Variants in ABCA10 observed in about 807,000 individuals in gnomAD.
ABCA10 encodes the protein ATP binding cassette subfamily A member 10.
A neutral mutation model predicts 187.5 loss-of-function variants in ABCA10; 169 were observed. The observed-to-expected ratio is 0.90, with a 90% CI of 0.80 to 1.02. ABCA10 has a LOEUF of 1.02. Ranked by LOEUF, ABCA10 falls within the 50% of genes least tolerant of loss-of-function variation. ABCA10 has a pLI of 0.00. For missense variants in ABCA10, 1,727 were observed against 1,812.4 expected (o/e 0.95, Z 0.86); for synonymous variants, 574 against 601.8 (o/e 0.95, Z 0.68).
chr17:69,205,701 A>C (rs925252524), intron 9 of ABCA10, among the ~76,000 whole-genome samples: 3 of 152,192 alleles, frequency 2.0e-5, no homozygotes, highest in Admixed American at 2.0e-4. Flanking sequence ...AAAATTATAG[A>C]TTATACAAAC....
At chr17:69,237,876 C>T (rs747993375) in intron 1 of ABCA10, among the ~76,000 whole-genome samples, 15 of 152,034 alleles carry the variant, frequency 9.9e-5, no homozygotes, top group Non-Finnish European at 2.9e-5. Flanking sequence ...GAATTTCCAG[C>T]AACTGGCCGG....
At chr17:69,150,370 C>G (rs979356003) in intron 36 of ABCA10, 1 of 209,014 alleles carries the variant, frequency 4.8e-6, no homozygotes, top group African/African-American at 2.3e-5. Context: ...AGCAACCTTT[C>G]TAGAATGTTT....
chr17:69,149,981 T>C lies in ABCA10; in HGVS notation c.4477+3A>G, dbSNP rs772748499. 1 of 1,603,806 alleles carries C rather than the reference T, an allele frequency of 6.2e-7. No individual in the cohort carries two copies. The highest frequency in any genetic ancestry group is 8.5e-7 in the Non-Finnish European group (1 of 1,171,500). On this transcript the variant is annotated splice_donor_region_variant and intron_variant, in intron 37 of 38. Coordinates refer to ENST00000690296, the MANE Select transcript of ABCA10 (RefSeq NM_001377321.1). ...AGTCTTATTTATATATACCCAAACT[T>C]ACTCGCCTCTAACTTGAAAAAGGCC...
chr17:69,170,976 A>C (rs1431628532), intron 25 of ABCA10, among the ~76,000 whole-genome samples: 2 of 152,216 alleles, frequency 1.3e-5, no homozygotes, highest in Non-Finnish European at 2.9e-5. Context: ...TAAATCCCAT[A>C]TTGAGGCATG....
At chr17:69,234,787 A>G (rs2074855468) in intron 1 of ABCA10, 1 of 152,230 alleles carries the variant, frequency 6.6e-6, no homozygotes, top group Non-Finnish European at 1.5e-5. Context: ...CAATGAAACA[A>G]TGGCGTTCAC....
upstream of ABCA10, chr17:69,233,471 A>G (rs1053069998): frequency 2.0e-5 from 3 of 151,834 alleles, no homozygotes; most frequent in African/African-American, 7.3e-5. Flanking sequence ...GTTTTTCTGT[A>G]TATTCTTGAA....
intron 5 of ABCA10, among the ~76,000 whole-genome samples, chr17:69,220,855 T>A (rs539955703): frequency 6.6e-6 from 1 of 152,334 alleles, no homozygotes; most frequent in South Asian, 2.1e-4. Flanking sequence ...TTGTGTTATC[T>A]ACAGCGGCTT....
In ABCA10 at chr17:69,224,538, A is replaced by G. The variant is rs191950181; in HGVS notation, c.34+787T>C. Among the ~76,000 whole-genome samples, 914 of 152,240 alleles carry G rather than the reference A, an allele frequency of 6.0e-3. 1 individual carries two copies. The highest frequency in any genetic ancestry group is 8.9e-3 in the Non-Finnish European group (608 of 68,008). ...TACTCCTAATGGCAGTAGAGATATA[A>G]AGGATGGTAGGCAAAGGTCTCACAT... is the stretch of plus-strand genomic sequence containing the variant. On this transcript the variant is annotated intron_variant, in intron 3 of 38. Coordinates refer to ENST00000690296, the MANE Select transcript of ABCA10 (RefSeq NM_001377321.1).
chr17:69,213,028 T>C (rs1220553827), intron 9 of ABCA10, among the ~76,000 whole-genome samples: 1 of 152,220 alleles, frequency 6.6e-6, no homozygotes, highest in Non-Finnish European at 1.5e-5. Context: ...AGCAGTGAAG[T>C]TGCCACGTGG....
intron 2 of ABCA10, 124 bp from the exon 3 acceptor site, chr17:69,225,653 T>A: frequency 2.9e-6 from 1 of 342,276 alleles, no homozygotes; most frequent in Non-Finnish European, 5.3e-6. Flanking sequence ...AGTCTGTAAT[T>A]TTTTTCTGCC....
At chr17:69,209,641 T>C (rs8080065) in intron 9 of ABCA10, among the ~76,000 whole-genome samples, 101,104 of 152,110 alleles carry the variant, frequency 0.66, 34,254 homozygotes, top group African/African-American at 0.74. Flanking sequence ...AGAAATTATG[T>C]GTGAGGAAAA....
intron 22 of ABCA10, among the ~76,000 whole-genome samples, chr17:69,178,007 AGTGAAATAATAATATTTT>A (rs2074350295): frequency 7.2e-6 from 1 of 139,186 alleles, no homozygotes; most frequent in African/African-American, 2.6e-5. Flanking sequence ...ATATATATAT[AGTGAAATAATAATATTTT>A]TATTTGCTAC....
At chr17:69,202,099 A>T (rs1025872053) in intron 9 of ABCA10, among the ~76,000 whole-genome samples, 1 of 152,210 alleles carries the variant, frequency 6.6e-6, no homozygotes, top group Non-Finnish European at 1.5e-5. Context: ...TTAAAAATAA[A>T]GCATTACAGG....
chr17:69,191,287 CTG>C lies in ABCA10; in HGVS notation c.1898_1899del (p.Thr633ArgfsTer8). ...LSLHRNEMCD[T>X]EKITSLIKQH... ...TGCTTAATAAGGGATGTGATTTTTT[CTG>C]TGTCACACATTTCATTCCTGTGTAA... On this transcript the variant is annotated frameshift_variant, in exon 17 of 39. Coordinates refer to ENST00000690296, the MANE Select transcript of ABCA10 (RefSeq NM_001377321.1). 1 of 1,594,276 alleles carries C rather than the reference CTG, an allele frequency of 6.3e-7. No homozygotes were observed. Among genetic ancestry groups the C allele is most frequent in the Non-Finnish European group, 8.6e-7 (1 of 1,168,944 alleles).
chr17:69,209,390 A>G (rs780112996), intron 9 of ABCA10, among the ~76,000 whole-genome samples: 5 of 152,256 alleles, frequency 3.3e-5, no homozygotes, highest in Admixed American at 1.3e-4. Flanking sequence ...TGCCACATAC[A>G]TAAGAAATTA....
intron 9 of ABCA10, among the ~76,000 whole-genome samples, chr17:69,206,273 C>T (rs764898533): frequency 3.9e-5 from 6 of 152,044 alleles, no homozygotes; most frequent in Non-Finnish European, 8.8e-5. Context: ...ATTTGTCCCC[C>T]GACATGATCA....
intron 9 of ABCA10, among the ~76,000 whole-genome samples, chr17:69,209,138 G>C (rs1222679685): frequency 6.6e-6 from 1 of 152,172 alleles, no homozygotes; most frequent in Non-Finnish European, 1.5e-5. Context: ...GACAAGGTTT[G>C]GGATTTCAAG....
intron 28 of ABCA10, among the ~76,000 whole-genome samples, chr17:69,156,156 G>GCT (rs1372205923): frequency 6.6e-6 from 1 of 151,972 alleles, no homozygotes; most frequent in Non-Finnish European, 1.5e-5. Flanking sequence ...CTGTCAACTG[G>GCT]CTCTGTCACT....
In ABCA10 at chr17:69,219,633, T is replaced by A. The variant is rs560140321; in HGVS notation, c.442A>T (p.Ile148Leu). Residue 148 changes from isoleucine (I) to leucine (L), a missense_variant, in exon 6 of 39, where the codon ATA (isoleucine) becomes TTA (leucine). By Grantham distance (5) the Ile-to-Leu change is conservative. Transcript: ENST00000690296. ...GCAACATTTAATGATGCAAAGTATA[T>A]AAAAGAAGAGAAAGAAACTAAGCAA... The part of the protein sequence containing the change: ...FTCLVSFSSF[I>L]YFASLNVARE... 145 of 1,610,990 alleles carry A rather than the reference T, an allele frequency of 9.0e-5. No individual in the cohort carries two copies. Among genetic ancestry groups the A allele is most frequent in the Non-Finnish European group, 1.2e-4 (138 of 1,178,840 alleles).
Sources: gnomAD v4.1 joint callset for allele counts (sites outside exome capture counted in the v4.1 genomes callset) on GRCh38, gnomAD v4.1.1 for gene constraint, MANE v1.5 for transcripts, NCBI Gene and HGNC (gene_info 2026-07-23, HGNC 2026-07-21) for gene names.